Variants in ASCC3 observed in about 807,000 individuals in gnomAD.
ASCC3 encodes the protein ASC-1 complex subunit P200.
In ASCC3, 158 loss-of-function variants were observed where a neutral mutation model predicts 256.3. That is an observed-to-expected ratio of 0.62 (90% confidence interval 0.54 to 0.70). The LOEUF (loss-of-function observed/expected upper bound fraction) is 0.70, where lower values mean the gene tolerates loss of function less well. Among genes scored for constraint, ASCC3 ranks in the 30% least tolerant of loss-of-function variants. The pLI, the probability that ASCC3 is intolerant of heterozygous loss-of-function variation, is 0.00. For synonymous variants in ASCC3, 948 were observed against 883.4 expected (o/e 1.07, Z -1.30); for missense variants, 2,259 against 2,626.0 (o/e 0.86, Z 3.05).
At chr6:100,598,512 A>G (rs78903987) in intron 34 of ASCC3, among the ~76,000 whole-genome samples, 2,138 of 152,260 alleles carry the variant, frequency 0.014, 38 homozygotes, top group African/African-American at 0.049. Flanking sequence ...GTCTACTGTG[A>G]TAAGTCTCCC....
chr6:100,521,554 T>C (rs148045905), intron 37 of ASCC3, among the ~76,000 whole-genome samples: 3 of 152,338 alleles, frequency 2.0e-5, no homozygotes, highest in African/African-American at 7.2e-5. Flanking sequence ...CATGTTCTAA[T>C]TGATGGTAAT....
At chr6:100,625,654 T>C (rs1200575380) in intron 29 of ASCC3, among the ~76,000 whole-genome samples, 1 of 152,106 alleles carries the variant, frequency 6.6e-6, no homozygotes, top group Non-Finnish European at 1.5e-5. Flanking sequence ...ACATGGACAC[T>C]AAATCTTAGA....
chr6:100,813,442 A>C (rs149918369), intron 4 of ASCC3, among the ~76,000 whole-genome samples: 1 of 152,082 alleles, frequency 6.6e-6, no homozygotes, highest in Non-Finnish European at 1.5e-5. Flanking sequence ...GGGCAACAAG[A>C]GTGAAACTCC....
chr6:100,727,682 A>AAC (rs1554220776), intron 10 of ASCC3, among the ~76,000 whole-genome samples: 26,088 of 144,766 alleles, frequency 0.18, 2,520 homozygotes, highest in Admixed American at 0.23. Context: ...ACAACAACAA[A>AAC]AAAGGGTCTA....
chr6:100,596,150 C>T (rs1470366653), intron 34 of ASCC3, among the ~76,000 whole-genome samples: 1 of 152,008 alleles, frequency 6.6e-6, no homozygotes, highest in African/African-American at 2.4e-5. Flanking sequence ...AATTTTTTTG[C>T]CATCCCTTTT....
chr6:100,626,228 C>T (rs1774226623), intron 29 of ASCC3, among the ~76,000 whole-genome samples: 1 of 151,942 alleles, frequency 6.6e-6, no homozygotes, highest in Admixed American at 6.6e-5. Flanking sequence ...ATATTTAGGT[C>T]TACACAACTC....
In ASCC3 at chr6:100,816,265, C is replaced by T. The variant is rs115766713; in HGVS notation, c.802-10385G>A. ...CTAAAAAGTCAAAAAATAACAGATG[C>T]TAGTGAGGTTACGGAGAAAAAGGCA... On this transcript the variant is annotated intron_variant, in intron 4 of 41. Transcript: ENST00000369162. Among the ~76,000 whole-genome samples the T allele has an allele frequency of 6.9e-3, 1,042 of 152,084 alleles. 16 individuals carry two copies. Among genetic ancestry groups the T allele is most frequent in the African/African-American group, 0.024 (986 of 41,510 alleles).
At chr6:100,551,930 G>A (rs1769322168) in intron 36 of ASCC3, among the ~76,000 whole-genome samples, 1 of 151,886 alleles carries the variant, frequency 6.6e-6, no homozygotes, top group African/African-American at 2.4e-5. Context: ...TGTGGGATGA[G>A]GTGGTGGAGA....
intron 16 of ASCC3, among the ~76,000 whole-genome samples, chr6:100,661,358 C>CACACACACACAA (rs1562207046): frequency 7.0e-6 from 1 of 143,060 alleles, no homozygotes; most frequent in South Asian, 2.3e-4. Context: ...CACACACACA[C>CACACACACACAA]AAAACAAATG....
chr6:100,687,030 T>TCACACACA (rs1164501730), intron 13 of ASCC3, among the ~76,000 whole-genome samples: 7,781 of 128,578 alleles, frequency 0.061, 287 homozygotes, highest in East Asian at 0.19. Context: ...TCTCTCTCTC[T>TCACACACA]CTCTCACACA....
intron 10 of ASCC3, among the ~76,000 whole-genome samples, chr6:100,756,447 G>A (rs571436922): frequency 1.3e-5 from 2 of 152,068 alleles, no homozygotes; most frequent in African/African-American, 4.8e-5. Flanking sequence ...TTTGACATAC[G>A]TCTTAATCAC....
At chr6:100,866,851 G>A (rs1773504560) in intron 2 of ASCC3, among the ~76,000 whole-genome samples, 1 of 152,194 alleles carries the variant, frequency 6.6e-6, no homozygotes, top group Non-Finnish European at 1.5e-5. Context: ...GTGGTATTTT[G>A]TTATTCTGTG....
At chr6:100,639,877 G>A (rs1775029148) in intron 24 of ASCC3, among the ~76,000 whole-genome samples, 1 of 152,174 alleles carries the variant, frequency 6.6e-6, no homozygotes, top group South Asian at 2.1e-4. Flanking sequence ...CACTTTGGGA[G>A]GCCGAAGCGG....
intron 30 of ASCC3, among the ~76,000 whole-genome samples, chr6:100,607,997 T>A (rs1772992453): frequency 2.1e-5 from 3 of 143,288 alleles, no homozygotes. Context: ...ATTAACCCCT[T>A]GTCCATCATA....
intron 13 of ASCC3, among the ~76,000 whole-genome samples, chr6:100,713,179 C>T (rs1778933272): frequency 1.3e-5 from 2 of 152,206 alleles, no homozygotes; most frequent in East Asian, 3.9e-4. Context: ...CCAATATGTC[C>T]TTTGGCAGGT....
At chr6:100,694,800 G>A (rs1328263941) in intron 13 of ASCC3, among the ~76,000 whole-genome samples, 1 of 152,068 alleles carries the variant, frequency 6.6e-6, no homozygotes, top group Non-Finnish European at 1.5e-5. Flanking sequence ...ATAAATAGGG[G>A]AAAGGAAGCT....
chr6:100,631,006 AG>A, intron 26 of ASCC3, 121 bp downstream of exon 26: 1 of 693,786 alleles, frequency 1.4e-6, no homozygotes, highest in Non-Finnish European at 2.5e-6. Flanking sequence ...AAAACCATTC[AG>A]CAGTTAAATA....
At chr6:100,717,560 A>T (rs74916348) in intron 12 of ASCC3, among the ~76,000 whole-genome samples, 5 of 151,962 alleles carry the variant, frequency 3.3e-5, no homozygotes, top group Admixed American at 3.3e-4. Context: ...TTTAAAGCAT[A>T]GAATTTTAGA....
chr6:100,717,941 A>C (rs1214106576), intron 12 of ASCC3, 134 bp downstream of exon 12: 1 of 727,654 alleles, frequency 1.4e-6, no homozygotes, highest in African/African-American at 1.8e-5. Context: ...ATGTGATTCA[A>C]TGTTCTGCAA....
Sources: allele counts gnomAD v4.1 joint callset (sites outside exome capture counted in the v4.1 genomes callset), GRCh38; gene constraint gnomAD v4.1.1; transcripts MANE v1.5; gene names NCBI Gene and HGNC (gene_info 2026-07-23, HGNC 2026-07-21).